The following MAPK10 variants were observed in gnomAD, a reference collection of about 807,000 sequenced individuals.
MAPK10 encodes the protein mitogen-activated protein kinase 10, also known as JNK3 alpha protein kinase.
In MAPK10, 25 loss-of-function variants were observed where a neutral mutation model predicts 59.3. The observed-to-expected ratio is 0.42, with a 90% CI of 0.31 to 0.59. The LOEUF (loss-of-function observed/expected upper bound fraction) is 0.59, where lower values mean the gene tolerates loss of function less well. Among genes scored for constraint, MAPK10 ranks in the 20% least tolerant of loss-of-function variants. MAPK10 has a pLI of 0.15. For synonymous variants in MAPK10, 190 were observed against 200.5 expected (o/e 0.95, Z 0.44); for missense variants, 351 against 568.9 (o/e 0.62, Z 3.90).
At position 86,019,915 on chromosome 4, in the gene MAPK10, T is replaced by C. The variant is rs577006599; in HGVS notation, c.1253-2545A>G. ...TTTGACTTGAGGTATAGAATGATGC[T>C]CATATATTTTTTGTAACAGCTTTAT... On this transcript the variant is annotated intron_variant, in intron 13 of 13. Coordinates refer to ENST00000641462, the MANE Select transcript of MAPK10 (RefSeq NM_138982.4). Among the ~76,000 whole-genome samples, 5 of 152,350 alleles carry C rather than the reference T, an allele frequency of 3.3e-5. No homozygotes were observed. In the East Asian group the frequency reaches 9.6e-4, roughly 29 times the overall value.
intron 12 of MAPK10, among the ~76,000 whole-genome samples, chr4:86,029,485 A>T (rs1752151411): frequency 1.3e-5 from 2 of 152,230 alleles, no homozygotes; most frequent in Non-Finnish European, 2.9e-5. Flanking sequence ...GCAGTTGAAG[A>T]AATCAATGCA....
At chr4:86,106,076 A>G (rs2056483447) in intron 5 of MAPK10, among the ~76,000 whole-genome samples, 1 of 152,146 alleles carries the variant, frequency 6.6e-6, no homozygotes, top group Admixed American at 6.6e-5. Context: ...TTCCTGGCAC[A>G]TTTTATTCAT....
At chr4:86,558,731 A>C (rs1420667644) in intron 1 of MAPK10, among the ~76,000 whole-genome samples, 1 of 152,080 alleles carries the variant, frequency 6.6e-6, no homozygotes, top group Non-Finnish European at 1.5e-5. Flanking sequence ...CTACAAAATG[A>C]ATTTTTGACA....
chr4:86,581,602 T>C (rs1762270531), intron 1 of MAPK10, among the ~76,000 whole-genome samples: 1 of 151,608 alleles, frequency 6.6e-6, no homozygotes, highest in Admixed American at 6.6e-5. Context: ...CCCCAGCAGG[T>C]GTTCTATTTA....
chr4:86,043,297 C>T (rs1275941828), intron 11 of MAPK10, among the ~76,000 whole-genome samples: 2 of 152,142 alleles, frequency 1.3e-5, no homozygotes, highest in South Asian at 4.1e-4. Context: ...TGCAGGAGAA[C>T]AGGTGTGCTG....
intron 1 of MAPK10, among the ~76,000 whole-genome samples, chr4:86,441,344 C>A (rs189873856): frequency 1.3e-5 from 2 of 152,180 alleles, no homozygotes; most frequent in Non-Finnish European, 2.9e-5. Context: ...TACCCTTATT[C>A]GTATTCTGCT....
intron 1 of MAPK10, among the ~76,000 whole-genome samples, chr4:86,428,140 CTTTT>C (rs201894847): frequency 7.0e-6 from 1 of 142,758 alleles, no homozygotes; most frequent in Non-Finnish European, 1.5e-5. Flanking sequence ...TTCAAAGTTA[CTTTT>C]TTTTTTTTTT....
chr4:86,035,436 A>G (rs1480063363), intron 11 of MAPK10, among the ~76,000 whole-genome samples: 1 of 151,366 alleles, frequency 6.6e-6, no homozygotes, highest in Non-Finnish European at 1.5e-5. Context: ...AAGAAGAGAA[A>G]CCACTGAGGA....
chr4:86,295,793 T>C lies in MAPK10; in HGVS notation c.-7+58737A>G, dbSNP rs747161825. ...TTATATATATATATATTCTCTATAT[T>C]TCCCATCCTCTTTTCTCTCTTACTA... On this transcript the variant is annotated intron_variant, in intron 2 of 13. Transcript: ENST00000641462. Among the ~76,000 whole-genome samples, 29 of 147,510 alleles carry C rather than the reference T, an allele frequency of 2.0e-4. 1 individual carries two copies. The South Asian group carries it at 5.7e-3, about 29-fold the overall frequency.
intron 1 of MAPK10, among the ~76,000 whole-genome samples, chr4:86,543,291 A>G (rs1758876155): frequency 6.6e-6 from 1 of 152,146 alleles, no homozygotes; most frequent in African/African-American, 2.4e-5. Context: ...TCATCAAACT[A>G]ATTTCTCAGC....
intron 1 of MAPK10, among the ~76,000 whole-genome samples, chr4:86,402,228 A>G (rs1743823244): frequency 6.6e-6 from 1 of 152,148 alleles, no homozygotes; most frequent in African/African-American, 2.4e-5. Flanking sequence ...ACCAACACAA[A>G]GGAAAGCAGA....
At chr4:86,282,322 C>T (rs995451094) in intron 2 of MAPK10, among the ~76,000 whole-genome samples, 1 of 152,150 alleles carries the variant, frequency 6.6e-6, no homozygotes, top group Non-Finnish European at 1.5e-5. Context: ...ATTCAGAATT[C>T]TAATGGAGAC....
chr4:86,320,403 C>T lies in MAPK10; in HGVS notation c.-7+34127G>A, dbSNP rs367665733. On this transcript the variant is annotated intron_variant, in intron 2 of 13. Transcript: ENST00000641462. ...TTGATTCACAGTTTCAGCAGTGAGG[C>T]TTATTTCTATTCCAGGCTCTCAAAT... Among the ~76,000 whole-genome samples, 22 of 152,268 alleles carry T rather than the reference C, an allele frequency of 1.4e-4. 1 individual carries two copies. In the East Asian group the frequency reaches 4.2e-3, roughly 29 times the overall value.
intron 2 of MAPK10, among the ~76,000 whole-genome samples, chr4:86,319,749 G>A (rs1163775063): frequency 2.0e-5 from 3 of 152,288 alleles, no homozygotes; most frequent in East Asian, 1.9e-4. Flanking sequence ...GTCCCCAGGG[G>A]CAATCTTCAA....
chr4:86,163,094 T>C (rs961957656), intron 3 of MAPK10, among the ~76,000 whole-genome samples: 1 of 152,140 alleles, frequency 6.6e-6, no homozygotes, highest in East Asian at 1.9e-4. Context: ...TTAGGGAAGA[T>C]GTTCATGAAA....
chr4:86,547,410 C>A (rs968491029), intron 1 of MAPK10, among the ~76,000 whole-genome samples: 1 of 152,250 alleles, frequency 6.6e-6, no homozygotes, highest in Non-Finnish European at 1.5e-5. Flanking sequence ...CCGGCCCCAC[C>A]GCCCGGGGCA....
chr4:86,230,810 A>G (rs892331716), intron 2 of MAPK10, among the ~76,000 whole-genome samples: 2 of 152,168 alleles, frequency 1.3e-5, no homozygotes, highest in African/African-American at 2.4e-5. Context: ...TCAACATTTA[A>G]TCACCTAGTT....
At chr4:86,229,021 A>G (rs186838829) in intron 2 of MAPK10, among the ~76,000 whole-genome samples, 1 of 152,310 alleles carries the variant, frequency 6.6e-6, no homozygotes, top group East Asian at 1.9e-4. Flanking sequence ...TAAGAATGAA[A>G]AGTTTAAACA....
At chr4:86,117,731 G>A (rs1304891054) in intron 4 of MAPK10, 2 of 152,192 alleles carry the variant, frequency 1.3e-5, no homozygotes, top group Admixed American at 1.3e-4. Flanking sequence ...GCAAGGTCTT[G>A]TGGAGATGTG....
Sources: gnomAD v4.1 joint callset for allele counts (sites outside exome capture counted in the v4.1 genomes callset) on GRCh38, gnomAD v4.1.1 for gene constraint, MANE v1.5 for transcripts, NCBI Gene and HGNC (gene_info 2026-07-23, HGNC 2026-07-21) for gene names.